The following C1orf146 variants were observed in gnomAD, a reference collection of about 807,000 sequenced individuals.
The protein encoded by C1orf146 is chromosome 1 open reading frame 146.
Under a neutral mutation model 23.0 loss-of-function variants are expected in C1orf146, and 22 were observed. That is an observed-to-expected ratio of 0.96 (90% CI 0.68 to 1.36). The LOEUF (loss-of-function observed/expected upper bound fraction) is 1.36, where lower values mean the gene tolerates loss of function less well. C1orf146 is among the 40% of genes most tolerant of loss of function. The pLI is 0.00. For synonymous variants in C1orf146, 59 were observed against 65.3 expected (o/e 0.90, Z 0.47); for missense variants, 199 against 206.8 (o/e 0.96, Z 0.23).
intron 1 of C1orf146, chr1:92,228,922 G>T: frequency 2.4e-6 from 1 of 419,104 alleles, no homozygotes; most frequent in Non-Finnish European, 4.7e-6. Flanking sequence ...GATTCGTGAG[G>T]CTAGCATGAG....
intron 1 of C1orf146, among the ~76,000 whole-genome samples, chr1:92,219,977 T>C (rs1651780632): frequency 6.6e-6 from 1 of 152,248 alleles, no homozygotes; most frequent in Non-Finnish European, 1.5e-5. Context: ...AATGCTATTT[T>C]ATTTTGCTCA....
chr1:92,241,938 C>T (rs1652440071), intron 2 of C1orf146, among the ~76,000 whole-genome samples: 1 of 152,168 alleles, frequency 6.6e-6, no homozygotes, highest in Admixed American at 6.5e-5. Context: ...CTGGTTTATA[C>T]AGTTTTTTAA....
At chr1:92,222,881 T>C (rs7547429) in intron 1 of C1orf146, among the ~76,000 whole-genome samples, 131,352 of 152,088 alleles carry the variant, frequency 0.86, 57,148 homozygotes, top group East Asian at 1. Context: ...CCACGGCGCC[T>C]GGCCTATCGT....
intron 2 of C1orf146, among the ~76,000 whole-genome samples, chr1:92,241,276 A>G (rs564985969): frequency 1.3e-5 from 2 of 150,348 alleles, no homozygotes; most frequent in South Asian, 2.1e-4. Context: ...CAGTGGTGCA[A>G]TCATGGCTCA....
At chr1:92,226,478 G>T (rs1205860242) in intron 1 of C1orf146, among the ~76,000 whole-genome samples, 1 of 151,902 alleles carries the variant, frequency 6.6e-6, no homozygotes, top group Non-Finnish European at 1.5e-5. Flanking sequence ...ATCTTTTAGA[G>T]AAATTAAGAG....
chr1:92,237,024 A>G (rs1570795371), intron 2 of C1orf146, among the ~76,000 whole-genome samples: 2 of 152,014 alleles, frequency 1.3e-5, no homozygotes, highest in Non-Finnish European at 2.9e-5. Flanking sequence ...ATTTTTTTCA[A>G]AGTTTTTAAC....
At chr1:92,224,993 G>A (rs764299314) in intron 1 of C1orf146, among the ~76,000 whole-genome samples, 7 of 151,880 alleles carry the variant, frequency 4.6e-5, no homozygotes, top group East Asian at 1.9e-4. Flanking sequence ...TGCCCACCTC[G>A]GCCTCCCAAA....
chr1:92,219,521 T>TTTAA (rs1553129352), intron 1 of C1orf146, among the ~76,000 whole-genome samples: 16 of 141,914 alleles, frequency 1.1e-4, no homozygotes, highest in African/African-American at 2.3e-4. Flanking sequence ...TTTTTTTTTT[T>TTTAA]AAGACAGAGT....
intron 5 of C1orf146, 28 bp from the exon 6 acceptor site, chr1:92,245,512 A>G (rs1225569304): frequency 6.5e-7 from 1 of 1,547,390 alleles, no homozygotes; most frequent in South Asian, 1.2e-5. Context: ...TTCTGTAAAT[A>G]ATGCTGCATC....
Position 92,229,906 on chromosome 1 carries a change from T to A in C1orf146, c.-39-1476T>A, listed in dbSNP as rs557596296. Among the ~76,000 whole-genome samples, 5 of 152,268 alleles carry A rather than the reference T, an allele frequency of 3.3e-5. No homozygotes were observed. In the East Asian group the frequency reaches 9.6e-4, roughly 29 times the overall value. On this transcript the variant is annotated intron_variant, in intron 1 of 5. Transcript: ENST00000370375. ...TTAGGGTTTTCAGTCTCAATGAAATTAGAAAAGTAGCAGATTTAGAGCTCA... is the reference window on the plus strand; with the variant it reads ...TTAGGGTTTTCAGTCTCAATGAAATAAGAAAAGTAGCAGATTTAGAGCTCA...
intron 2 of C1orf146, among the ~76,000 whole-genome samples, chr1:92,232,090 G>T (rs1652137554): frequency 6.6e-6 from 1 of 152,000 alleles, no homozygotes; most frequent in Non-Finnish European, 1.5e-5. Flanking sequence ...TTTGTTGTGA[G>T]TCCATTTTCA....
chr1:92,227,835 A>AT (rs748069152), intron 1 of C1orf146, among the ~76,000 whole-genome samples: 1,768 of 142,134 alleles, frequency 0.012, 20 homozygotes, highest in Middle Eastern at 0.029. Context: ...TCCTTTGAAG[A>AT]TTTTTTTTTT....
intron 1 of C1orf146, among the ~76,000 whole-genome samples, chr1:92,218,960 C>T (rs1436430748): frequency 3.3e-5 from 5 of 152,164 alleles, no homozygotes; most frequent in Non-Finnish European, 5.9e-5. Context: ...CGACTGACCC[C>T]ACTCCTTTCT....
intron 1 of C1orf146, among the ~76,000 whole-genome samples, chr1:92,228,553 C>T (rs1652026326): frequency 1.3e-5 from 2 of 152,140 alleles, no homozygotes; most frequent in African/African-American, 2.4e-5. Flanking sequence ...TGTGACTCTC[C>T]AGATTGTCTG....
rs752334544 is a variant in C1orf146, at chr1:92,245,714, A to G, written c.*40A>G. The G allele has an allele frequency of 7.6e-7, 1 of 1,317,804 alleles. No individual in the cohort carries two copies. Among genetic ancestry groups the G allele is most frequent in the South Asian group, 1.4e-5 (1 of 69,956 alleles). 81.6% of individuals were successfully genotyped at this position (1,317,804 alleles called of 1,614,324 possible). ...GTTTTTCTCGAAGAATGTGAAAATAATTAGACCTGTTAAATTATAATATTC... is the reference window on the plus strand; with the variant it reads ...GTTTTTCTCGAAGAATGTGAAAATAGTTAGACCTGTTAAATTATAATATTC... On this transcript the variant is annotated 3_prime_UTR_variant, in exon 6 of 6. Transcript: ENST00000370375.
In C1orf146 at chr1:92,231,518, C is replaced by T. The variant is rs755918604; in HGVS notation, c.66+32C>T. The stretch of plus-strand genomic sequence containing the variant: ...GGGCATTTGGGCCACTGATCTTTAA[C>T]TTAAAAAAATTAAAAGCAGCTTTCA... On this transcript the variant is annotated intron_variant, in intron 2 of 5. Coordinates refer to ENST00000370375, the MANE Select transcript of C1orf146 (RefSeq NM_001012425.2). 4 of 1,501,672 alleles carry T rather than the reference C, an allele frequency of 2.7e-6. No individual in the cohort carries two copies. In the Admixed American group the frequency reaches 8.2e-5, roughly 31 times the overall value. The allele number at this position is 1,501,672 out of a possible 1,614,324, so 93.0% of individuals were successfully genotyped here.
intron 2 of C1orf146, among the ~76,000 whole-genome samples, 181 bp downstream of exon 2, chr1:92,231,667 C>T (rs189233236): frequency 2.4e-4 from 36 of 151,616 alleles, no homozygotes; most frequent in Middle Eastern, 3.4e-3. Context: ...TCATTTTCAA[C>T]ATCCGACTTC....
At chr1:92,242,149 CT>C in intron 2 of C1orf146, 62 bp from the exon 3 acceptor site, 1 of 817,880 alleles carries the variant, frequency 1.2e-6, no homozygotes, top group Non-Finnish European at 1.9e-6. Context: ...TTAATTTTTT[CT>C]TTAGCTTTAA....
intron 1 of C1orf146, among the ~76,000 whole-genome samples, chr1:92,218,981 G>A (rs149164810): frequency 6.6e-6 from 1 of 152,096 alleles, no homozygotes; most frequent in Admixed American, 6.5e-5. Flanking sequence ...CACTTATTGT[G>A]CACGTGATTA....
Sources: allele counts gnomAD v4.1 joint callset (sites outside exome capture counted in the v4.1 genomes callset), GRCh38; gene constraint gnomAD v4.1.1; transcripts MANE v1.5; gene names NCBI Gene and HGNC (gene_info 2026-07-23, HGNC 2026-07-21).